Variants in MTX2 observed in about 807,000 individuals in gnomAD.
MTX2 encodes metaxin 2.
A neutral mutation model predicts 42.3 loss-of-function variants in MTX2; 35 were observed. The ratio of observed to expected loss-of-function variants is 0.83; its 90% CI spans 0.63 to 1.10. MTX2 has a LOEUF of 1.10. Among genes scored for constraint, MTX2 ranks in the 50% least tolerant of loss-of-function variants. The pLI is 0.00. For synonymous variants in MTX2, 119 were observed against 100.9 expected, an observed-to-expected ratio of 1.18 and a Z score of -1.08; for missense variants, 307 against 304.1, an observed-to-expected ratio of 1.01 and a Z score of -0.07.
chr2:176,271,013 CTG>C (rs774206837), intron 1 of MTX2, among the ~76,000 whole-genome samples: 18 of 152,022 alleles, frequency 1.2e-4, no homozygotes, highest in Non-Finnish European at 1.9e-4. Context: ...GAGTGGTTCA[CTG>C]TGTGCATGTG....
intron 1 of MTX2, among the ~76,000 whole-genome samples, chr2:176,282,519 T>A (rs1041108965): frequency 6.6e-6 from 1 of 152,108 alleles, no homozygotes; most frequent in Non-Finnish European, 1.5e-5. Flanking sequence ...TTGGATCCAA[T>A]TCAGATTTCA....
chr2:176,320,158 A>C (rs1367708528), intron 3 of MTX2, among the ~76,000 whole-genome samples: 1 of 152,116 alleles, frequency 6.6e-6, no homozygotes, highest in Non-Finnish European at 1.5e-5. Context: ...CATGGGACTA[A>C]GAAGCATGGG....
intron 3 of MTX2, among the ~76,000 whole-genome samples, chr2:176,306,251 T>G (rs1230846699): frequency 6.6e-6 from 1 of 152,238 alleles, no homozygotes; most frequent in Non-Finnish European, 1.5e-5. Flanking sequence ...TCATCCTTTT[T>G]TATGGCTGCA....
At position 176,286,284 on chromosome 2, in the gene MTX2, C is replaced by T. The variant is rs553702520; in HGVS notation, c.41-10576C>T. 8.5e-5 allele frequency among the ~76,000 whole-genome samples: 13 copies of T among 152,174 alleles called. No homozygotes were observed. The East Asian group carries it at 1.4e-3, about 16-fold the overall frequency. ...TTGGATATATGCTGTATGAGTTTTG[C>T]GGAATCTTAATTGCTGTCGTTATCA... is the stretch of plus-strand genomic sequence containing the variant. On this transcript the variant is annotated intron_variant, in intron 1 of 9. Coordinates refer to ENST00000249442, the MANE Select transcript of MTX2 (RefSeq NM_006554.5).
At position 176,323,463 on chromosome 2, in the gene MTX2, T is replaced by C; in HGVS notation, c.207T>C (p.Ser69=). The part of the protein sequence containing the change: ...CRANAEYMSP[S]GKVPFIHVGN... ...CAAATGCAGAATATATGTCTCCATC[T>C]GGTAAGTGTGTTTTTTTTTCTTCTC... The change falls in exon 4 of 10, where the codon TCT becomes TCC. Residue 69 remains serine (S), a splice_region_variant and synonymous_variant. Transcript: ENST00000249442. 6.2e-7 allele frequency: 1 copy of C among 1,609,022 alleles called. No individual in the cohort carries two copies.
chr2:176,324,943 T>A (rs1219391904), intron 4 of MTX2, among the ~76,000 whole-genome samples: 2 of 151,748 alleles, frequency 1.3e-5, no homozygotes, highest in African/African-American at 4.8e-5. Context: ...GCTTCTTTGA[T>A]CTTGCGGTAG....
intron 1 of MTX2, chr2:176,270,286 T>G: frequency 8.1e-7 from 1 of 1,229,592 alleles, no homozygotes; most frequent in Non-Finnish European, 1.1e-6. Flanking sequence ...TTCTCCTGCC[T>G]TAGCCTCCCG....
chr2:176,296,741 A>C, intron 1 of MTX2, 119 bp from the exon 2 acceptor site: 3 of 974,530 alleles, frequency 3.1e-6, no homozygotes, highest in Non-Finnish European at 4.9e-6. Context: ...TGCCATGTAT[A>C]AGTCAACCTT....
At chr2:176,292,963 C>T (rs1037931976) in intron 1 of MTX2, among the ~76,000 whole-genome samples, 3 of 152,100 alleles carry the variant, frequency 2.0e-5, no homozygotes, top group Admixed American at 1.3e-4. Flanking sequence ...GTAGCCCTTA[C>T]GTATATGTGT....
At chr2:176,293,484 G>A (rs920834917) in intron 1 of MTX2, among the ~76,000 whole-genome samples, 4 of 152,112 alleles carry the variant, frequency 2.6e-5, no homozygotes, top group African/African-American at 7.2e-5. Context: ...TTTGGGTCAT[G>A]GGGGTGGATC....
rs564632358 is a variant in MTX2 at position 176,323,374 on chromosome 2, A to G, written c.136-18A>G. On this transcript the variant is annotated intron_variant, in intron 3 of 9. Transcript: ENST00000249442. The stretch of plus-strand genomic sequence containing the variant: ...ATATGCTTTTTACTGGGCTTATTGT[A>G]TGTATCTTGATTTACAGGCCTTTTT... 1.6e-5 allele frequency: 25 copies of G among 1,602,324 alleles called. No homozygotes were observed. In the Admixed American group the frequency reaches 3.2e-4, roughly 20 times the overall value.
At chr2:176,300,761 A>G (rs565271596) in intron 3 of MTX2, among the ~76,000 whole-genome samples, 4 of 152,126 alleles carry the variant, frequency 2.6e-5, no homozygotes, top group Non-Finnish European at 4.4e-5. Flanking sequence ...CAAATGTAAA[A>G]TAGAAATATA....
chr2:176,290,161 G>A (rs1471953590), intron 1 of MTX2, among the ~76,000 whole-genome samples: 1 of 152,096 alleles, frequency 6.6e-6, no homozygotes, highest in East Asian at 1.9e-4. Context: ...ATATGGCAGT[G>A]AAGGAGTATT....
At chr2:176,323,272 GT>G (rs1269823377) in intron 3 of MTX2, 119 bp from the exon 4 acceptor site, 1 of 798,870 alleles carries the variant, frequency 1.3e-6, no homozygotes, top group Non-Finnish European at 2.0e-6. Context: ...TTGGTTCATT[GT>G]TTTCTATTAG....
chr2:176,275,948 T>G (rs934326545), intron 1 of MTX2, among the ~76,000 whole-genome samples: 2 of 152,240 alleles, frequency 1.3e-5, no homozygotes, highest in African/African-American at 4.8e-5. Flanking sequence ...GCTTTTACAC[T>G]TTCTATGGAT....
At chr2:176,278,942 A>G (rs1693014891) in intron 1 of MTX2, among the ~76,000 whole-genome samples, 1 of 152,152 alleles carries the variant, frequency 6.6e-6, no homozygotes, top group Admixed American at 6.5e-5. Flanking sequence ...TAAATGAATT[A>G]TGGTTTTGAA....
At chr2:176,284,133 TG>T (rs1016815355) in intron 1 of MTX2, among the ~76,000 whole-genome samples, 12 of 151,952 alleles carry the variant, frequency 7.9e-5, no homozygotes, top group African/African-American at 2.9e-4. Flanking sequence ...CTTTTTGTGA[TG>T]GGGTCTTGTT....
intron 3 of MTX2, among the ~76,000 whole-genome samples, chr2:176,300,450 T>C (rs1337792135): frequency 6.6e-6 from 1 of 152,112 alleles, no homozygotes; most frequent in African/African-American, 2.4e-5. Context: ...AATGGGACTT[T>C]TTATATTAAG....
intron 3 of MTX2, among the ~76,000 whole-genome samples, chr2:176,323,134 A>G (rs1290510800): frequency 6.6e-6 from 1 of 151,840 alleles, no homozygotes; most frequent in East Asian, 1.9e-4. Flanking sequence ...AATGTGGATA[A>G]TTTACATTTT....
Sources: allele counts gnomAD v4.1 joint callset (sites outside exome capture counted in the v4.1 genomes callset), GRCh38; gene constraint gnomAD v4.1.1; transcripts MANE v1.5; gene names NCBI Gene and HGNC (gene_info 2026-07-23, HGNC 2026-07-21).